PLCB1: variants seen among roughly 807,000 people sequenced by gnomAD.
PLCB1 encodes the protein phospholipase C beta 1, also known as 1-phosphatidylinositol 4,5-bisphosphate phosphodiesterase beta-1.
PLCB1 carries 46 observed loss-of-function variants against 161.8 expected under a neutral mutation model. That is an observed-to-expected ratio of 0.28 (90% CI 0.22 to 0.36). The LOEUF is 0.36. Among genes scored for constraint, PLCB1 ranks in the 10% least tolerant of loss-of-function variants. PLCB1 has a pLI of 1.00. For missense variants in PLCB1, 1,016 were observed against 1,472.5 expected (o/e 0.69, Z 5.07); for synonymous variants, 517 against 503.7 (o/e 1.03, Z -0.35).
chr20:8,334,332 G>A (rs759194789), intron 2 of PLCB1, among the ~76,000 whole-genome samples: 2 of 152,222 alleles, frequency 1.3e-5, no homozygotes, highest in Non-Finnish European at 2.9e-5. Context: ...ACCTGTAACT[G>A]AGAATAATAT....
chr20:8,297,892 G>GGTTT (rs1555796224), intron 2 of PLCB1, among the ~76,000 whole-genome samples: 1 of 132,708 alleles, frequency 7.5e-6, no homozygotes, highest in Non-Finnish European at 1.6e-5. Context: ...TTCTTTTTGG[G>GGTTT]TTTTTTTTTT....
At chr20:8,767,688 G>A (rs932609283) in intron 26 of PLCB1, among the ~76,000 whole-genome samples, 5 of 152,106 alleles carry the variant, frequency 3.3e-5, no homozygotes, top group Non-Finnish European at 7.3e-5. Context: ...CACAGGGTCT[G>A]GCGGACCACA....
At chr20:8,670,033 C>T (rs1015652799) in intron 9 of PLCB1, among the ~76,000 whole-genome samples, 2 of 152,156 alleles carry the variant, frequency 1.3e-5, no homozygotes, top group African/African-American at 4.8e-5. Context: ...TGACAGTGTA[C>T]TCATAAAAGG....
At position 8,435,913 on chromosome 20, in the gene PLCB1, A is replaced by G. The variant is rs1371384928; in HGVS notation, c.246+64463A>G. 2.0e-5 allele frequency among the ~76,000 whole-genome samples: 3 copies of G among 152,218 alleles called. No individual in the cohort carries two copies. In the East Asian group the frequency reaches 5.8e-4, roughly 29 times the overall value. On this transcript the variant is annotated intron_variant, in intron 3 of 31. Coordinates refer to ENST00000338037, the MANE Select transcript of PLCB1 (RefSeq NM_015192.4). ...CCAGATGAAAAGATGAACTCTCCTA[A>G]GATTTCAGGCATCTTTAAGGATAGA...
At chr20:8,223,384 G>T (rs999156498) in intron 2 of PLCB1, among the ~76,000 whole-genome samples, 1 of 152,082 alleles carries the variant, frequency 6.6e-6, no homozygotes, top group Non-Finnish European at 1.5e-5. Context: ...CCCTTTGGAG[G>T]AATCAAAATT....
chr20:8,628,335 G>T lies in PLCB1; in HGVS notation c.288G>T (p.Gly96=), dbSNP rs200521017. 2.2e-4 allele frequency: 348 copies of T among 1,613,952 alleles called. 7 individuals carry two copies. In the South Asian group the frequency reaches 3.5e-3, roughly 16 times the overall value. ...AACTTTTGGATGTGGGGAACATCGG[G>T]CGCCTGGAGCAGCGCATGATCACAG... ...LRELLDVGNI[G]RLEQRMITVV... is the part of the protein sequence containing the mutation. The change falls in exon 4 of 32, where the codon GGG becomes GGT. Residue 96 remains glycine, a synonymous_variant. Transcript: ENST00000338037.
chr20:8,803,221 G>A (rs1423723816), intron 31 of PLCB1, among the ~76,000 whole-genome samples: 1 of 151,872 alleles, frequency 6.6e-6, no homozygotes, highest in Admixed American at 6.6e-5. Context: ...CACTTATCTA[G>A]GATGTCTGAG....
intron 9 of PLCB1, among the ~76,000 whole-genome samples, chr20:8,681,102 ATATATATATATATATAT>A (rs1568558205): frequency 6.1e-5 from 8 of 131,118 alleles, no homozygotes; most frequent in South Asian, 2.3e-4. Context: ...ATATATATAT[ATATATATATATATATAT>A]AATATATATA....
At chr20:8,575,376 A>G (rs1002701719) in intron 3 of PLCB1, among the ~76,000 whole-genome samples, 1 of 152,188 alleles carries the variant, frequency 6.6e-6, no homozygotes, top group Non-Finnish European at 1.5e-5. Flanking sequence ...TTTTCCCTTC[A>G]CCGTGGAAGA....
intron 4 of PLCB1, among the ~76,000 whole-genome samples, chr20:8,629,773 G>A: frequency 8.4e-6 from 1 of 118,692 alleles, no homozygotes; most frequent in Admixed American, 9.8e-5. Context: ...AGATGTGTTG[G>A]CCTGGTTCCT....
chr20:8,166,229 T>C (rs1430268864), intron 2 of PLCB1, among the ~76,000 whole-genome samples: 1 of 152,154 alleles, frequency 6.6e-6, no homozygotes. Flanking sequence ...TCAATACATA[T>C]CAACCTGGAT....
intron 31 of PLCB1, among the ~76,000 whole-genome samples, chr20:8,822,489 G>A (rs1985481649): frequency 6.6e-6 from 1 of 152,166 alleles, no homozygotes; most frequent in African/African-American, 2.4e-5. Context: ...AATACTGTGG[G>A]TAGGATTCTG....
chr20:8,836,795 A>T (rs1986304000), intron 31 of PLCB1, among the ~76,000 whole-genome samples: 1 of 152,214 alleles, frequency 6.6e-6, no homozygotes, highest in Non-Finnish European at 1.5e-5. Flanking sequence ...CGAACAAAGA[A>T]TGAGCTCAGG....
At chr20:8,835,478 A>G (rs1017566481) in intron 31 of PLCB1, among the ~76,000 whole-genome samples, 6 of 152,082 alleles carry the variant, frequency 3.9e-5, no homozygotes, top group African/African-American at 1.4e-4. Context: ...TTAGAGATCT[A>G]TGCTGTATAA....
At chr20:8,781,717 C>T (rs535712688) in intron 27 of PLCB1, among the ~76,000 whole-genome samples, 1 of 152,190 alleles carries the variant, frequency 6.6e-6, no homozygotes, top group African/African-American at 2.4e-5. Flanking sequence ...CTGGGGAGGC[C>T]TCATAATCAT....
At position 8,666,605 on chromosome 20, in the gene PLCB1, T is replaced by C. The variant is rs117702684; in HGVS notation, c.862+7901T>C. On this transcript the variant is annotated intron_variant, in intron 9 of 31. Transcript: ENST00000338037. ...TATTAGAAGAGGCAGTTTGCAGAAA[T>C]GGCAATGTTGGGACCAAGACCATGT... Among the ~76,000 whole-genome samples the C allele has an allele frequency of 6.0e-3, 910 of 152,288 alleles. 2 individuals are homozygous for C. The highest frequency in any genetic ancestry group is 0.011 in the Non-Finnish European group (762 of 68,024).
At chr20:8,515,815 A>G (rs1182375873) in intron 3 of PLCB1, among the ~76,000 whole-genome samples, 1 of 152,204 alleles carries the variant, frequency 6.6e-6, no homozygotes, top group African/African-American at 2.4e-5. Context: ...GATTTGGCTC[A>G]GCTGGGCAGG....
At chr20:8,425,977 A>AC in intron 3 of PLCB1, among the ~76,000 whole-genome samples, 1 of 152,146 alleles carries the variant, frequency 6.6e-6, no homozygotes, top group East Asian at 1.9e-4. Flanking sequence ...CAATGGGGAA[A>AC]CCTGCTTAAG....
chr20:8,445,527 C>T (rs1301632318), intron 3 of PLCB1, among the ~76,000 whole-genome samples: 6 of 151,734 alleles, frequency 4.0e-5, no homozygotes, highest in Non-Finnish European at 7.4e-5. Context: ...CTTGGCAATG[C>T]GGGCTCTTTT....
Sources: gnomAD v4.1 joint callset for allele counts (sites outside exome capture counted in the v4.1 genomes callset) on GRCh38, gnomAD v4.1.1 for gene constraint, MANE v1.5 for transcripts, NCBI Gene and HGNC (gene_info 2026-07-23, HGNC 2026-07-21) for gene names.